The following ZSCAN4 variants were observed in gnomAD, a reference collection of about 807,000 sequenced individuals.
ZSCAN4 encodes zinc finger and SCAN domain-containing protein 4.
In ZSCAN4, 18 loss-of-function variants were observed where a neutral mutation model predicts 18.3. That is an observed-to-expected ratio of 0.98 (90% CI 0.68 to 1.46). The LOEUF (loss-of-function observed/expected upper bound fraction) is 1.46, where lower values mean the gene tolerates loss of function less well. Ranked by LOEUF, ZSCAN4 falls within the 40% of genes most tolerant of loss-of-function variation. ZSCAN4 has a pLI of 0.00. For synonymous variants in ZSCAN4, 193 were observed against 180.3 expected (o/e 1.07, Z -0.57); for missense variants, 498 against 511.4 (o/e 0.97, Z 0.25).
At chr19:57,658,333 G>A in the ZSCAN4 span, among the ~76,000 whole-genome samples, 1 of 152,154 alleles carries the variant, frequency 6.6e-6, no homozygotes, top group East Asian at 1.9e-4. Context: ...TAGGAGGAAG[G>A]GGCGGACTGC....
the ZSCAN4 span, among the ~76,000 whole-genome samples, chr19:57,660,289 T>C: frequency 1.3e-5 from 2 of 152,228 alleles, no homozygotes; most frequent in Non-Finnish European, 2.9e-5. Flanking sequence ...TAGACACACA[T>C]AGCATCCTGT....
chr19:57,653,786 G>A, the ZSCAN4 span, among the ~76,000 whole-genome samples: 1 of 152,180 alleles, frequency 6.6e-6, no homozygotes, highest in African/African-American at 2.4e-5. Flanking sequence ...AGGGTCATTG[G>A]GCAAAAGCCT....
the ZSCAN4 span, among the ~76,000 whole-genome samples, chr19:57,652,476 C>T: frequency 3.3e-5 from 5 of 152,132 alleles, no homozygotes; most frequent in Admixed American, 6.5e-5. Context: ...AAAAGACCCA[C>T]GAAAACACCT....
At chr19:57,676,567 GA>G in intron 3 of ZSCAN4, 26 bp downstream of exon 3, 2 of 1,567,072 alleles carry the variant, frequency 1.3e-6, no homozygotes, top group Non-Finnish European at 1.7e-6. Flanking sequence ...TAACTTCTGG[GA>G]TGAGAGACAA....
upstream of ZSCAN4, among the ~76,000 whole-genome samples, chr19:57,667,058 T>A (rs1983875430): frequency 6.6e-6 from 1 of 152,226 alleles, no homozygotes; most frequent in East Asian, 1.9e-4. Flanking sequence ...AAACGGGTCA[T>A]CTATTTTTAC....
the ZSCAN4 span, among the ~76,000 whole-genome samples, chr19:57,661,893 C>CTTGAA: frequency 1.6e-4 from 24 of 151,922 alleles, no homozygotes; most frequent in Non-Finnish European, 3.4e-4. Context: ...ACCAGCCTGG[C>CTTGAA]CAACATGATA....
At chr19:57,676,157 T>C (rs1336772261) in exon 3 of ZSCAN4, 2 of 1,610,022 alleles carry the variant, frequency 1.2e-6, no homozygotes, top group South Asian at 1.1e-5. Flanking sequence ...TGGCTTTAGA[T>C]CTAAGAACCA....
At chr19:57,673,749 G>GATTATTATT (rs201203110) in intron 2 of ZSCAN4, among the ~76,000 whole-genome samples, 2 of 151,436 alleles carry the variant, frequency 1.3e-5, no homozygotes, top group Admixed American at 6.6e-5. Context: ...TGATGATGAT[G>GATTATTATT]ATTATTATTA....
chr19:57,676,799 A>C (rs1313889470), intron 3 of ZSCAN4, among the ~76,000 whole-genome samples: 1 of 152,228 alleles, frequency 6.6e-6, no homozygotes, highest in Non-Finnish European at 1.5e-5. Context: ...ACTTAATTTT[A>C]GTCTGCATAA....
the ZSCAN4 span, among the ~76,000 whole-genome samples, chr19:57,655,502 C>A: frequency 2.0e-5 from 3 of 152,144 alleles, no homozygotes; most frequent in African/African-American, 7.2e-5. Flanking sequence ...GTTGGCCACC[C>A]TGTTTAAGGA....
At chr19:57,652,544 T>C in the ZSCAN4 span, among the ~76,000 whole-genome samples, 1 of 152,202 alleles carries the variant, frequency 6.6e-6, no homozygotes, top group Admixed American at 6.5e-5. Context: ...ACCTCTGCCC[T>C]TGAACCCCTC....
chr19:57,670,613 A>G (rs1384794324), intron 2 of ZSCAN4, 46 bp downstream of exon 2: 2 of 152,292 alleles, frequency 1.3e-5, no homozygotes, highest in Middle Eastern at 6.8e-3. Flanking sequence ...TTGAGTGTGT[A>G]TACATTTTGT....
At chr19:57,674,336 G>A (rs532063756) in intron 2 of ZSCAN4, among the ~76,000 whole-genome samples, 25 of 152,182 alleles carry the variant, frequency 1.6e-4, no homozygotes, top group African/African-American at 4.6e-4. Flanking sequence ...CAACTCCCCC[G>A]CTGGAGTCCC....
the ZSCAN4 span, among the ~76,000 whole-genome samples, chr19:57,656,142 G>A: frequency 1.3e-5 from 2 of 152,154 alleles, no homozygotes; most frequent in Non-Finnish European, 2.9e-5. Context: ...CAGGTTGCTG[G>A]AGGTAGCTAA....
chr19:57,675,920 GT>G (rs1984166883), intron 2 of ZSCAN4, 120 bp from the exon 3 acceptor site: 1 of 457,678 alleles, frequency 2.2e-6, no homozygotes, highest in Non-Finnish European at 3.8e-6. Flanking sequence ...GAGAGTTTAT[GT>G]TAAGTTATAA....
chr19:57,673,409 G>A lies in ZSCAN4; in HGVS notation c.-105-2632G>A, dbSNP rs112096606. Reference sequence around the variant, plus strand: ...CCCAGAAAGGCTAGAGTGAGGAGCAGTCACTTGAGTCCAGGAGTTCAAGAC... The same window carrying A: ...CCCAGAAAGGCTAGAGTGAGGAGCAATCACTTGAGTCCAGGAGTTCAAGAC... On this transcript the variant is annotated intron_variant, in intron 2 of 4. Transcript: ENST00000318203. Among the ~76,000 whole-genome samples, 18 of 152,286 alleles carry A rather than the reference G, an allele frequency of 1.2e-4. 1 individual carries two copies. Among genetic ancestry groups the A allele is most frequent in the African/African-American group, 4.3e-4 (18 of 41,556 alleles).
the ZSCAN4 span, among the ~76,000 whole-genome samples, chr19:57,654,929 A>C: frequency 6.6e-6 from 1 of 152,042 alleles, no homozygotes; most frequent in Non-Finnish European, 1.5e-5. Context: ...TGCTCCTAGC[A>C]CCCTCCTCCA....
chr19:57,653,436 TC>T, the ZSCAN4 span, among the ~76,000 whole-genome samples: 1 of 151,530 alleles, frequency 6.6e-6, no homozygotes, highest in Non-Finnish European at 1.5e-5. Context: ...TTTTTCTTTC[TC>T]GCCTTTCAGA....
chr19:57,664,841 C>A, upstream of ZSCAN4: 1 of 175,352 alleles, frequency 5.7e-6, no homozygotes, highest in South Asian at 1.3e-4. Flanking sequence ...GCAACTCTGC[C>A]AGATGAAAAG....
Sources: allele counts gnomAD v4.1 joint callset (sites outside exome capture counted in the v4.1 genomes callset), GRCh38; gene constraint gnomAD v4.1.1; transcripts MANE v1.5; gene names NCBI Gene and HGNC (gene_info 2026-07-23, HGNC 2026-07-21).